VPS13D: variants seen among roughly 807,000 people sequenced by gnomAD.
VPS13D encodes the protein vacuolar protein sorting 13 homolog D.
In VPS13D, 187 loss-of-function variants were observed where a neutral mutation model predicts 461.9. That is an observed-to-expected ratio of 0.40 (90% CI 0.36 to 0.46). The LOEUF is 0.46. Ranked by LOEUF, VPS13D falls within the 20% of genes least tolerant of loss-of-function variation. VPS13D has a pLI of 0.60. For missense variants in VPS13D, 4,711 were observed against 5,364.9 expected, an observed-to-expected ratio of 0.88 and a Z score of 3.81; for synonymous variants, 1,951 against 1,986.3, an observed-to-expected ratio of 0.98 and a Z score of 0.47.
At chr1:12,331,304 A>G (rs140487938) in intron 37 of VPS13D, among the ~76,000 whole-genome samples, 1,787 of 152,254 alleles carry the variant, frequency 0.012, 12 homozygotes, top group Middle Eastern at 0.037. Context: ...TAAGAAATTA[A>G]ACCTCGATTT....
intron 61 of VPS13D, 28 bp from the exon 62 acceptor site, chr1:12,401,580 C>G: frequency 6.3e-7 from 1 of 1,575,494 alleles, no homozygotes; most frequent in Non-Finnish European, 8.7e-7. Flanking sequence ...GGTGTTCACA[C>G]TTTAAATCAG....
At chr1:12,278,817 G>A (rs1195563004) in intron 19 of VPS13D, among the ~76,000 whole-genome samples, 1 of 152,156 alleles carries the variant, frequency 6.6e-6, no homozygotes, top group Non-Finnish European at 1.5e-5. Context: ...TCTATAATGG[G>A]TTGGTCCAAG....
At chr1:12,332,277 T>C (rs1035967109) in intron 37 of VPS13D, among the ~76,000 whole-genome samples, 2 of 152,214 alleles carry the variant, frequency 1.3e-5, no homozygotes, top group Admixed American at 6.5e-5. Flanking sequence ...AGTATTCCAA[T>C]AGCAATAAAA....
At chr1:12,369,215 A>ATGTGTGTGTGTATCTGTGTG (rs1644081975) in intron 53 of VPS13D, among the ~76,000 whole-genome samples, 1 of 151,146 alleles carries the variant, frequency 6.6e-6, no homozygotes, top group Non-Finnish European at 1.5e-5. Context: ...ATATGTATAT[A>ATGTGTGTGTGTATCTGTGTG]TGTGTGTGTG....
chr1:12,492,068 T>G (rs1457146895), intron 67 of VPS13D, among the ~76,000 whole-genome samples: 1 of 152,144 alleles, frequency 6.6e-6, no homozygotes, highest in Non-Finnish European at 1.5e-5. Context: ...TGTTCGGTGA[T>G]CCATTGTCCC....
intron 6 of VPS13D, among the ~76,000 whole-genome samples, chr1:12,251,392 C>T (rs991682965): frequency 6.6e-6 from 1 of 152,226 alleles, no homozygotes; most frequent in Non-Finnish European, 1.5e-5. Context: ...ATGACCGTCA[C>T]CTTGCAGGAT....
intron 67 of VPS13D, among the ~76,000 whole-genome samples, chr1:12,487,435 C>G (rs1224085063): frequency 1.3e-5 from 2 of 151,944 alleles, no homozygotes; most frequent in Non-Finnish European, 2.9e-5. Context: ...ATGGTGAAAC[C>G]CCGTCTCTAC....
Position 12,267,894 on chromosome 1 carries a change from C to T in VPS13D, c.1775C>T (p.Ser592Phe). 1 of 1,614,136 alleles carries T rather than the reference C, an allele frequency of 6.2e-7. No individual in the cohort carries two copies. Among genetic ancestry groups the T allele is most frequent in the Non-Finnish European group, 8.5e-7 (1 of 1,180,000 alleles). The change falls in exon 15 of 70, where the codon TCT (serine) becomes TTT (phenylalanine). Residue 592 changes from serine (S) to phenylalanine (F), a missense_variant. Around this residue, in one of 3 missense-constraint regions of VPS13D, gnomAD observed 4,411 missense variants for 4,937.8 expected, o/e 0.89. Transcript: ENST00000620676. Reference sequence around the variant, plus strand: ...CAATCTTTTGGTCTACAAACTACATCTGCAGACAGAAGTGATCATTACCCA... The same window carrying T: ...CAATCTTTTGGTCTACAAACTACATTTGCAGACAGAAGTGATCATTACCCA... ...VSQSFGLQTT[S>F]ADRSDHYPAA...
At chr1:12,407,801 T>G (rs765398000) in intron 63 of VPS13D, among the ~76,000 whole-genome samples, 9 of 152,196 alleles carry the variant, frequency 5.9e-5, no homozygotes, top group Non-Finnish European at 1.2e-4. Context: ...GTTTTGACAT[T>G]TCAGTAGAGG....
At chr1:12,324,366 G>A (rs1396814597) in intron 35 of VPS13D, among the ~76,000 whole-genome samples, 3 of 152,282 alleles carry the variant, frequency 2.0e-5, no homozygotes, top group Admixed American at 6.5e-5. Flanking sequence ...ATTAGCTGGC[G>A]TGGTGGCTCA....
chr1:12,275,747 C>A (rs749151304), intron 18 of VPS13D, 78 bp from the exon 19 acceptor site: 158 of 1,434,868 alleles, frequency 1.1e-4, no homozygotes, highest in Non-Finnish European at 1.5e-4. Flanking sequence ...GATTCTCTAC[C>A]TTTCATAATT....
chr1:12,355,965 T>C lies in VPS13D; in HGVS notation c.9746T>C (p.Met3249Thr). The change falls in exon 48 of 70, where the codon ATG becomes ACG. Residue 3249 changes from methionine (M) to threonine (T), a missense_variant. Coordinates refer to ENST00000620676, the MANE Select transcript of VPS13D (RefSeq NM_015378.4). The part of the protein sequence containing the change: ...LLIPPGTQNY[M>T]VRMRLYDVNR... ...ATTCCACCTGGAACCCAAAACTATA[T>C]GGTGAGAATGCGACTCTATGACGTC... is the stretch of plus-strand genomic sequence containing the variant. 1.9e-6 allele frequency: 3 copies of C among 1,613,212 alleles called. No individual in the cohort carries two copies. Among genetic ancestry groups the C allele is most frequent in the Non-Finnish European group, 2.5e-6 (3 of 1,179,490 alleles).
chr1:12,395,111 C>T (rs893569837), intron 60 of VPS13D, among the ~76,000 whole-genome samples: 7 of 152,236 alleles, frequency 4.6e-5, no homozygotes, highest in Non-Finnish European at 8.8e-5. Flanking sequence ...GGGGGTGACT[C>T]CTGAGGAGAA....
chr1:12,390,880 G>C (rs1321827175), intron 60 of VPS13D, among the ~76,000 whole-genome samples: 1 of 152,112 alleles, frequency 6.6e-6, no homozygotes, highest in Non-Finnish European at 1.5e-5. Flanking sequence ...GAGTGGCTGG[G>C]GAAAGAGGCC....
chr1:12,298,485 C>T (rs1569844222), intron 24 of VPS13D, among the ~76,000 whole-genome samples: 1 of 152,012 alleles, frequency 6.6e-6, no homozygotes, highest in African/African-American at 2.4e-5. Context: ...CCTAAAAATA[C>T]AAAAAATAGC....
chr1:12,438,788 A>G (rs1034984240), intron 65 of VPS13D, among the ~76,000 whole-genome samples: 6 of 152,192 alleles, frequency 3.9e-5, no homozygotes, highest in Non-Finnish European at 8.8e-5. Flanking sequence ...TTGACATGTA[A>G]AGAAGAACTA....
intron 67 of VPS13D, among the ~76,000 whole-genome samples, chr1:12,493,647 G>T (rs1015323888): frequency 2.6e-5 from 4 of 152,194 alleles, no homozygotes; most frequent in Non-Finnish European, 5.9e-5. Flanking sequence ...CTACTTGAAC[G>T]TACAGTGTCA....
intron 68 of VPS13D, chr1:12,499,533 A>G (rs949853042): frequency 1.5e-5 from 15 of 985,350 alleles, no homozygotes; most frequent in Non-Finnish European, 1.7e-5. Flanking sequence ...AGATACACAC[A>G]TTGAAAAACA....
At chr1:12,374,222 T>G (rs993469516) in intron 55 of VPS13D, among the ~76,000 whole-genome samples, 1 of 152,242 alleles carries the variant, frequency 6.6e-6, no homozygotes, top group Admixed American at 6.5e-5. Context: ...CAGTTATTAT[T>G]TCACTTGATA....
Sources: gnomAD v4.1 joint callset for allele counts (sites outside exome capture counted in the v4.1 genomes callset) on GRCh38, gnomAD v4.1.1 for gene constraint, gnomAD v4.1.1 regional missense constraint, MANE v1.5 for transcripts, NCBI Gene and HGNC (gene_info 2026-07-23, HGNC 2026-07-21) for gene names.